APOB: variants seen among roughly 807,000 people sequenced by gnomAD.
APOB encodes apolipoprotein B-100.
APOB carries 153 observed loss-of-function variants against 314.1 expected under a neutral mutation model. The ratio of observed to expected loss-of-function variants is 0.49; its 90% CI spans 0.43 to 0.56. APOB has a LOEUF of 0.56. Among genes scored for constraint, APOB ranks in the 20% least tolerant of loss-of-function variants. The pLI, the probability that APOB is intolerant of heterozygous loss-of-function variation, is 0.00. For missense variants in APOB, 5,430 were observed against 5,350.7 expected, an observed-to-expected ratio of 1.01 and a Z score of -0.46; for synonymous variants, 2,087 against 2,036.4, an observed-to-expected ratio of 1.02 and a Z score of -0.67.
At position 21,032,502 on chromosome 2, in the gene APOB, G is replaced by A; in HGVS notation, c.1204C>T (p.His402Tyr). 6.2e-7 allele frequency: 1 copy of A among 1,614,234 alleles called. No homozygotes were observed. The highest frequency in any genetic ancestry group is 8.5e-7 in the Non-Finnish European group (1 of 1,180,044). ...THILQWLKRV[H>Y]ANPLLIDVVT... Reference sequence around the variant, plus strand: ...ACATCTATCAGAAGGGGGTTGGCATGCACACGTTTCAGCCACTGGAGGATG... The same window carrying A: ...ACATCTATCAGAAGGGGGTTGGCATACACACGTTTCAGCCACTGGAGGATG... Residue 402 changes from histidine to tyrosine, a missense_variant, in exon 10 of 29, where the codon CAT becomes TAT. His to Tyr is a moderately conservative substitution (Grantham distance 83). Transcript: ENST00000233242.
Position 21,002,055 on chromosome 2 carries a change from G to T in APOB, c.13367C>A (p.Thr4456Asn), listed in dbSNP as rs1049527523. Residue 4456 changes from threonine to asparagine, a missense_variant, in exon 29 of 29, where the codon ACC (threonine) becomes AAC (asparagine). Coordinates refer to ENST00000233242, the MANE Select transcript of APOB (RefSeq NM_000384.3). Reference protein sequence around the residue: ...RNIQEYLSILTDPDGKGKEKI... With the variant: ...RNIQEYLSILNDPDGKGKEKI... ...CTCTTTCCCTTTTCCATCTGGATCG[G>T]TAAGGATGCTAAGATATTCCTGAAT... The T allele has an allele frequency of 1.2e-6, 2 of 1,613,954 alleles. No homozygotes were observed. The highest frequency in any genetic ancestry group is 1.7e-6 in the Non-Finnish European group (2 of 1,179,964).
rs543698457 is a variant in APOB, at chr2:21,035,637, A to G, written c.765T>C (p.His255=). 6.2e-7 allele frequency: 1 copy of G among 1,614,082 alleles called. No homozygotes were observed. The highest frequency in any genetic ancestry group is 1.1e-5 in the South Asian group (1 of 91,072). Residue 255 remains histidine (H), a synonymous_variant, in exon 7 of 29, where the codon CAT becomes CAC. Coordinates refer to ENST00000233242, the MANE Select transcript of APOB (RefSeq NM_000384.3). ...GCTCCTTGCAGATGGCTTCTGCCAC[A>G]TGCTTCCTCTTAGCGTCCAGTGTGT... ...CQYTLDAKRK[H]VAEAICKEQH...
rs142448733 is a variant in APOB at position 21,015,452 on chromosome 2, C to A, written c.3426G>T (p.Ser1142=). ...CCATTTGGAGAAGCAGTTTGGCAGG[C>A]GACCAGTGGGCGAGGATCTCACTTC... ...EARSEILAHW[S]PAKLLLQMDS... is the part of the protein sequence containing the mutation. The change falls in exon 22 of 29, where the codon TCG becomes TCT. Residue 1142 remains serine (S), a synonymous_variant. Coordinates refer to ENST00000233242, the MANE Select transcript of APOB (RefSeq NM_000384.3). 3 of 1,614,020 alleles carry A rather than the reference C, an allele frequency of 1.9e-6. No homozygotes were observed. The highest frequency in any genetic ancestry group is 1.1e-5 in the South Asian group (1 of 91,070).
intron 10 of APOB, among the ~76,000 whole-genome samples, chr2:21,031,920 T>C (rs1036106248): frequency 6.6e-6 from 1 of 152,150 alleles, no homozygotes; most frequent in Non-Finnish European, 1.5e-5. Context: ...TGCTAACTAA[T>C]ATTGAACTGA....
Position 21,037,094 on chromosome 2 carries a change from A to T in APOB, c.693+6T>A. The stretch of plus-strand genomic sequence containing the variant: ...CTGTGCACGACAGTGCTGACATGGG[A>T]CTTACCATGCCTTTGATGAGAGCAA... On this transcript the variant is annotated splice_donor_region_variant and intron_variant, in intron 6 of 28. Transcript: ENST00000233242. The T allele has an allele frequency of 6.2e-7, 1 of 1,614,138 alleles. No individual in the cohort carries two copies. Among genetic ancestry groups the T allele is most frequent in the Non-Finnish European group, 8.5e-7 (1 of 1,180,016 alleles).
chr2:21,025,141 A>T lies in APOB; in HGVS notation c.2245-17T>A. On this transcript the variant is annotated splice_polypyrimidine_tract_variant and intron_variant, in intron 15 of 28. Coordinates refer to ENST00000233242, the MANE Select transcript of APOB (RefSeq NM_000384.3). Reference sequence around the variant, plus strand: ...TACCATATCCTGAGAGTTTAGTAATAAAATGGCCAGTGAGATGTCAGCAAT... The same window carrying T: ...TACCATATCCTGAGAGTTTAGTAATTAAATGGCCAGTGAGATGTCAGCAAT... The T allele has an allele frequency of 6.2e-7, 1 of 1,611,728 alleles. No individual in the cohort carries two copies. Among genetic ancestry groups the T allele is most frequent in the South Asian group, 1.1e-5 (1 of 91,064 alleles).
Position 21,010,161 on chromosome 2 carries a change from A to G in APOB, c.6707T>C (p.Ile2236Thr), listed in dbSNP as rs781584312. Residue 2236 changes from isoleucine (I) to threonine (T), a missense_variant, in exon 26 of 29, where the codon ATT (isoleucine) becomes ACT (threonine). Physicochemically the swap from Ile to Thr is moderately conservative, Grantham distance 89. Coordinates refer to ENST00000233242, the MANE Select transcript of APOB (RefSeq NM_000384.3). ...ACTACTTCCACTTTTGTTAAAATCA[A>G]TATTTTCAATAAACAAATGTAGATC... ...IHDLHLFIEN[I>T]DFNKSGSSTA... 14 of 1,602,152 alleles carry G rather than the reference A, an allele frequency of 8.7e-6. No individual in the cohort carries two copies. Among genetic ancestry groups the G allele is most frequent in the Middle Eastern group, 1.7e-4 (1 of 5,806 alleles).
In APOB at chr2:21,008,010, G is replaced by C. The variant is rs754457820; in HGVS notation, c.8858C>G (p.Pro2953Arg). The C allele has an allele frequency of 1.2e-6, 2 of 1,613,996 alleles. No homozygotes were observed. Among genetic ancestry groups the C allele is most frequent in the Middle Eastern group, 1.7e-4 (1 of 6,058 alleles). ...ATTGGACAGTCCAAAGGAAGTGAGG[G>C]GTCCTTCTATGGTGAAACTAATTTG... ...ESQISFTIEGPLTSFGLSNKI... is the reference protein window; with the variant it reads ...ESQISFTIEGRLTSFGLSNKI... Residue 2953 changes from proline (P) to arginine (R), a missense_variant, in exon 26 of 29, where the codon CCC becomes CGC. Pro to Arg is a moderately radical substitution (Grantham distance 103, BLOSUM62 -2). This residue lies in a region of APOB where 3,281 missense variants were observed against 3,171.0 expected (regional missense o/e 1.03). Transcript: ENST00000233242.
rs371684652 is a variant in APOB at position 21,011,886 on chromosome 2, T to C, written c.4982A>G (p.Lys1661Arg). The change falls in exon 26 of 29, where the codon AAG becomes AGG. Residue 1661 changes from lysine (K) to arginine (R), a missense_variant. Around this residue, in one of 3 missense-constraint regions of APOB, gnomAD observed 2,085 missense variants for 2,079.7 expected, o/e 1.00. Coordinates refer to ENST00000233242, the MANE Select transcript of APOB (RefSeq NM_000384.3). ...ATTCTCCAGCACCAGGAGACTACACTTCAAGTTGGTCGTTGCACTGGTAGA... is the reference window on the plus strand; with the variant it reads ...ATTCTCCAGCACCAGGAGACTACACCTCAAGTTGGTCGTTGCACTGGTAGA... ...GISTSATTNL[K>R]CSLLVLENEL... 3 of 1,613,890 alleles carry C rather than the reference T, an allele frequency of 1.9e-6. No homozygotes were observed. The highest frequency in any genetic ancestry group is 2.7e-5 in the African/African-American group (2 of 74,920).
rs142573551 is a variant in APOB, at chr2:21,006,293, G to A, written c.10575C>T (p.Ser3525=). ...SEANTYLNSK[S]TRSSVKLQGT... ...CCTGCAGCTTCACTGAAGACCGTGT[G>A]CTCTTGGAATTCAAGTAAGTGTTGG... The change falls in exon 26 of 29, where the codon AGC becomes AGT. Residue 3525 remains serine, a synonymous_variant. Transcript: ENST00000233242. 1.9e-4 allele frequency: 308 copies of A among 1,614,044 alleles called. No homozygotes were observed. Among genetic ancestry groups the A allele is most frequent in the Non-Finnish European group, 2.5e-4 (294 of 1,179,986 alleles).
At chr2:21,014,345 AATT>A in intron 24 of APOB, 100 bp downstream of exon 24, 1 of 1,410,828 alleles carries the variant, frequency 7.1e-7, no homozygotes, top group South Asian at 1.3e-5. Flanking sequence ...AAAATGCTTA[AATT>A]ATTTCCTTTA....
chr2:21,032,694 A>G, intron 9 of APOB, 113 bp from the exon 10 acceptor site: 1 of 747,278 alleles, frequency 1.3e-6, no homozygotes. Context: ...TCACTATTCA[A>G]ATCTAACTTC....
chr2:21,015,939 A>G (rs1021171510), intron 21 of APOB, among the ~76,000 whole-genome samples: 1 of 152,216 alleles, frequency 6.6e-6, no homozygotes, highest in African/African-American at 2.4e-5. Context: ...ATACATGAAT[A>G]GTAAGTGCCT....
intron 6 of APOB, 133 bp downstream of exon 6, chr2:21,036,967 C>A: frequency 8.8e-7 from 1 of 1,141,652 alleles, no homozygotes; most frequent in Non-Finnish European, 1.3e-6. Flanking sequence ...TGCTCAGGGT[C>A]CTATCTCTAG....
At chr2:21,013,842 C>T (rs1226258809) in intron 24 of APOB, among the ~76,000 whole-genome samples, 1 of 152,140 alleles carries the variant, frequency 6.6e-6, no homozygotes, top group East Asian at 1.9e-4. Flanking sequence ...CATAATTTTG[C>T]TTATATAATT....
At chr2:21,016,738 A>G in intron 20 of APOB, 89 bp from the exon 21 acceptor site, 1 of 852,736 alleles carries the variant, frequency 1.2e-6, no homozygotes, top group Non-Finnish European at 2.0e-6. Context: ...TAATCCCAGC[A>G]CTTTGGGAGG....
Position 21,001,664 on chromosome 2 carries a change from A to G in APOB, c.*66T>C. Reference sequence around the variant, plus strand: ...GGTTTTATCAATATAGGCAGTTTGAATTTTTTCTGTGCTATGTGAAAGTTC... The same window carrying G: ...GGTTTTATCAATATAGGCAGTTTGAGTTTTTTCTGTGCTATGTGAAAGTTC... On this transcript the variant is annotated 3_prime_UTR_variant, in exon 29 of 29. Coordinates refer to ENST00000233242, the MANE Select transcript of APOB (RefSeq NM_000384.3). 1 of 1,551,622 alleles carries G rather than the reference A, an allele frequency of 6.4e-7. No individual in the cohort carries two copies.
rs1663328616 is a variant in APOB, at chr2:21,011,783, T to G, written c.5085A>C (p.Ala1695=). Reference sequence around the variant, plus strand: ...CGGCTTTCCCATCCAGACTGAATTTTGCATTGTGTTCCCTGAAGCGGCCAT... The same window carrying G: ...CGGCTTTCCCATCCAGACTGAATTTGGCATTGTGTTCCCTGAAGCGGCCAT... ...TTNGRFREHN[A]KFSLDGKAAL... Residue 1695 remains alanine, a synonymous_variant, in exon 26 of 29, where the codon GCA becomes GCC. Coordinates refer to ENST00000233242, the MANE Select transcript of APOB (RefSeq NM_000384.3). The G allele has an allele frequency of 6.2e-7, 1 of 1,614,126 alleles. No homozygotes were observed.
rs926914150 is a variant in APOB at position 21,018,788 on chromosome 2, T to G, written c.3121+204A>C. ...ACTTCCATGAAGGCAGAGACTCCAT[T>G]GTTCACTGTTCTAGCCCCAGGTCTT... On this transcript the variant is annotated intron_variant, in intron 20 of 28. Coordinates refer to ENST00000233242, the MANE Select transcript of APOB (RefSeq NM_000384.3). Among the ~76,000 whole-genome samples, 4 of 152,348 alleles carry G rather than the reference T, an allele frequency of 2.6e-5. No homozygotes were observed. The South Asian group carries it at 8.3e-4, about 32-fold the overall frequency.
Sources: gnomAD v4.1 joint callset for allele counts (sites outside exome capture counted in the v4.1 genomes callset) on GRCh38, gnomAD v4.1.1 for gene constraint, gnomAD v4.1.1 regional missense constraint, MANE v1.5 for transcripts, NCBI Gene and HGNC (gene_info 2026-07-23, HGNC 2026-07-21) for gene names.